The following AP4B1 variants were observed in gnomAD, a reference collection of about 807,000 sequenced individuals.
AP4B1 encodes the protein AP-4 complex subunit beta-1.
In AP4B1, 49 loss-of-function variants were observed where a neutral mutation model predicts 76.5. That is an observed-to-expected ratio of 0.64 (90% CI 0.51 to 0.81). The LOEUF (loss-of-function observed/expected upper bound fraction) is 0.81. Among genes scored for constraint, AP4B1 ranks in the 40% least tolerant of loss-of-function variants. AP4B1 has a pLI of 0.00. For missense variants in AP4B1, 911 were observed against 904.9 expected, an observed-to-expected ratio of 1.01 and a Z score of -0.09; for synonymous variants, 330 against 333.3, an observed-to-expected ratio of 0.99 and a Z score of 0.11.
At chr1:113,904,142 A>G (rs145393470) in intron 1 of AP4B1, among the ~76,000 whole-genome samples, 343 of 152,330 alleles carry the variant, frequency 2.3e-3, no homozygotes, top group Non-Finnish European at 3.7e-3. Flanking sequence ...ACCATCTGAC[A>G]TAAGAAGTGA....
upstream of AP4B1, chr1:113,905,005 G>C (rs775396400): frequency 6.4e-5 from 28 of 440,482 alleles, no homozygotes; most frequent in Non-Finnish European, 1.1e-4. Flanking sequence ...GTCCTCCGCC[G>C]GATTTCCAGC....
rs1571524712 is a variant in AP4B1 at position 113,894,863 on chromosome 1, C to T, written c.*202G>A. On this transcript the variant is annotated 3_prime_UTR_variant, in exon 10 of 10. Coordinates refer to ENST00000369569, the MANE Select transcript of AP4B1 (RefSeq NM_001253852.3). The stretch of plus-strand genomic sequence containing the variant: ...CCAACATTAACCTCTACAACATCAT[C>T]ACTGAAAAATGGGGTCAATTGCCAA... 1.7e-6 allele frequency: 1 copy of T among 579,386 alleles called. No homozygotes were observed. The highest frequency in any genetic ancestry group is 3.1e-5 in the East Asian group (1 of 32,612). The allele number at this position is 579,386 out of a possible 1,614,324, so 35.9% of individuals were successfully genotyped here. A position where few individuals can be genotyped will look rare whatever the true frequency, so the allele number is the denominator to read the frequency against.
At chr1:113,900,771 G>A (rs961700385) in intron 4 of AP4B1, 3 of 283,598 alleles carry the variant, frequency 1.1e-5, no homozygotes, top group African/African-American at 4.4e-5. Flanking sequence ...GGGAAAGTAA[G>A]GCAAATAAAA....
intron 3 of AP4B1, 27 bp downstream of exon 3, chr1:113,901,728 G>T: frequency 1.9e-6 from 3 of 1,613,834 alleles, no homozygotes; most frequent in South Asian, 2.2e-5. Flanking sequence ...GAGGCACATT[G>T]ACCATGATGG....
Position 113,904,664 on chromosome 1 carries a change from G to A in AP4B1, c.54C>T (p.Cys18=). ...GCCTATCAGCTTGAATGTGAGGATT[G>A]CACAGAGCCTTCTTCAGCTCCTTCA... ...DVVKELKKAL[C]NPHIQADRLR... is the part of the protein sequence containing the mutation. The change falls in exon 1 of 10, where the codon TGC becomes TGT. Residue 18 remains cysteine, a synonymous_variant. Transcript: ENST00000369569. 6.2e-7 allele frequency: 1 copy of A among 1,613,288 alleles called. No individual in the cohort carries two copies. The highest frequency in any genetic ancestry group is 1.3e-5 in the African/African-American group (1 of 75,030).
intron 7 of AP4B1, 96 bp from the exon 8 acceptor site, chr1:113,896,561 C>T: frequency 1.7e-6 from 2 of 1,158,586 alleles, no homozygotes; most frequent in Non-Finnish European, 2.6e-6. Context: ...TCGCTTAGTG[C>T]CAGCAGAAAA....
At position 113,900,354 on chromosome 1, in the gene AP4B1, G is replaced by C. The variant is rs1558090245; in HGVS notation, c.664C>G (p.Leu222Val). ...QWGQAEVLNF[L>V]LRYQPRSEEE... is the part of the protein sequence containing the mutation. ...TCACTGCGGGGTTGGTAGCGTAGCA[G>C]AAAGTTCAATACTTCAGCCTGGCCC... is the stretch of plus-strand genomic sequence containing the variant. The change falls in exon 5 of 10, where the codon CTG (leucine) becomes GTG (valine). Residue 222 changes from leucine (L) to valine (V), a missense_variant. Leu to Val is a conservative substitution (Grantham distance 32, BLOSUM62 1). Transcript: ENST00000369569. 4 of 1,611,332 alleles carry C rather than the reference G, an allele frequency of 2.5e-6. No individual in the cohort carries two copies. Among genetic ancestry groups the C allele is most frequent in the East Asian group, 2.2e-5 (1 of 44,864 alleles).
chr1:113,896,440 A>G lies in AP4B1; in HGVS notation c.1328T>C (p.Leu443Pro), dbSNP rs746890435. 2.5e-6 allele frequency: 4 copies of G among 1,614,240 alleles called. No individual in the cohort carries two copies. Among genetic ancestry groups the G allele is most frequent in the Non-Finnish European group, 3.4e-6 (4 of 1,180,042 alleles). Residue 443 changes from leucine to proline, a missense_variant, in exon 8 of 10, where the codon CTT (leucine) becomes CCT (proline). By Grantham distance (98) the Leu-to-Pro change is moderately conservative. Transcript: ENST00000369569. Reference protein sequence around the residue: ...SEGKQALIWLLGVHGERIPNA... With the variant: ...SEGKQALIWLPGVHGERIPNA... The stretch of plus-strand genomic sequence containing the variant: ...AGGAATTCTTTCCCCATGGACACCA[A>G]GTAGCCAAATAAGTGCTTGCTTCCC...
chr1:113,901,827 C>T lies in AP4B1; in HGVS notation c.397G>A (p.Ala133Thr). Residue 133 changes from alanine (A) to threonine (T), a missense_variant, in exon 3 of 10, where the codon GCT (alanine) becomes ACT (threonine). Transcript: ENST00000369569. ...ACTGCCACTCTCCTGACATATGAAGCCTTATCCCGCAGACCATTGAGAATA... is the reference window on the plus strand; with the variant it reads ...ACTGCCACTCTCCTGACATATGAAGTCTTATCCCGCAGACCATTGAGAATA... ...QPILNGLRDK[A>T]SYVRRVAVLG... 6.2e-7 allele frequency: 1 copy of T among 1,614,182 alleles called. No homozygotes were observed. The highest frequency in any genetic ancestry group is 8.5e-7 in the Non-Finnish European group (1 of 1,180,032).
intron 7 of AP4B1, chr1:113,897,472 A>C (rs2101006230): frequency 3.1e-6 from 1 of 325,642 alleles, no homozygotes; most frequent in East Asian, 7.9e-5. Flanking sequence ...ACCTGTAATC[A>C]CAGCTACTCT....
At chr1:113,899,835 G>C in intron 5 of AP4B1, 69 bp downstream of exon 5, 10 of 1,612,576 alleles carry the variant, frequency 6.2e-6, no homozygotes, top group Non-Finnish European at 8.5e-6. Flanking sequence ...GCTCTCTATG[G>C]TTCCTCTAAC....
chr1:113,901,748 A>C lies in AP4B1; in HGVS notation c.469+7T>G, dbSNP rs1416530980. 1.2e-6 allele frequency: 2 copies of C among 1,614,082 alleles called. No individual in the cohort carries two copies. Among genetic ancestry groups the C allele is most frequent in the East Asian group, 4.5e-5 (2 of 44,896 alleles). On this transcript the variant is annotated splice_region_variant and intron_variant, in intron 3 of 9. Coordinates refer to ENST00000369569, the MANE Select transcript of AP4B1 (RefSeq NM_001253852.3). ...ACATTGACCATGATGGATTACACTG[A>C]ACTTACCTACTTCAGAGTCTCCATG...
In AP4B1 at chr1:113,900,147, C is replaced by G; in HGVS notation, c.871G>C (p.Glu291Gln). The G allele has an allele frequency of 6.2e-7, 1 of 1,614,174 alleles. No individual in the cohort carries two copies. Among genetic ancestry groups the G allele is most frequent in the Non-Finnish European group, 8.5e-7 (1 of 1,180,042 alleles). ...TGACAAAGAGCAACAAAACAGAGCTCACGGCTCTCTGAAGAACAGGCAGCT... is the reference window on the plus strand; with the variant it reads ...TGACAAAGAGCAACAAAACAGAGCTGACGGCTCTCTGAAGAACAGGCAGCT... The part of the protein sequence containing the change: ...LLAACSSESR[E>Q]LCFVALCHVR... Residue 291 changes from glutamate (E) to glutamine (Q), a missense_variant, in exon 5 of 10, where the codon GAG becomes CAG. Glu to Gln is a conservative substitution (Grantham distance 29, BLOSUM62 2). Transcript: ENST00000369569.
intron 5 of AP4B1, 90 bp downstream of exon 5, chr1:113,899,814 T>G (rs1667979913): frequency 1.2e-6 from 2 of 1,600,998 alleles, no homozygotes; most frequent in East Asian, 4.5e-5. Flanking sequence ...GAAGCAAGAT[T>G]CATGCCCTTT....
rs201047107 is a variant in AP4B1 at position 113,900,215 on chromosome 1, T to C, written c.803A>G (p.His268Arg). The C allele has an allele frequency of 1.9e-4, 304 of 1,610,578 alleles. 2 individuals are homozygous for C. In the Admixed American group the frequency reaches 4.1e-3, roughly 22 times the overall value. The stretch of plus-strand genomic sequence containing the variant: ...CCGCACAAGGACATCAGTTTGTACG[T>C]GGGGAAACATTTTTGCCAAGATCAG... ...LFLILAKMFP[H>R]VQTDVLVRVK... is the part of the protein sequence containing the mutation. Residue 268 changes from histidine (H) to arginine (R), a missense_variant, in exon 5 of 10, where the codon CAC becomes CGC. Coordinates refer to ENST00000369569, the MANE Select transcript of AP4B1 (RefSeq NM_001253852.3).
Position 113,902,990 on chromosome 1 carries a change from T to C in AP4B1, c.114-128A>G, listed in dbSNP as rs1668485116. On this transcript the variant is annotated intron_variant, in intron 1 of 9. Coordinates refer to ENST00000369569, the MANE Select transcript of AP4B1 (RefSeq NM_001253852.3). The stretch of plus-strand genomic sequence containing the variant: ...TCTCTTAGAGGGTAGCAGCCAGGAT[T>C]ACCTTGTCTATTATATCACACAGTA... 1.0e-5 allele frequency: 8 copies of C among 786,122 alleles called. No individual in the cohort carries two copies. The South Asian group carries it at 1.2e-4, about 11-fold the overall frequency. The allele number at this position is 786,122 out of a possible 1,614,324, so 48.7% of individuals were successfully genotyped here.
intron 2 of AP4B1, 48 bp from the exon 3 acceptor site, chr1:113,901,933 GACATAC>G: frequency 6.2e-7 from 1 of 1,612,994 alleles, no homozygotes; most frequent in Non-Finnish European, 8.5e-7. Context: ...TACTAATTTT[GACATAC>G]CTCAGCCCCT....
At chr1:113,896,621 ACT>A in intron 7 of AP4B1, 156 bp from the exon 8 acceptor site, 1 of 671,690 alleles carries the variant, frequency 1.5e-6, no homozygotes, top group South Asian at 1.8e-5. Context: ...CCCGTACTAT[ACT>A]CTCTACAACA....
At chr1:113,904,268 C>G (rs1378462762) in intron 1 of AP4B1, among the ~76,000 whole-genome samples, 1 of 152,156 alleles carries the variant, frequency 6.6e-6, no homozygotes, top group Non-Finnish European at 1.5e-5. Context: ...CGGGCTATTT[C>G]GGACATACTT....
Sources: allele counts gnomAD v4.1 joint callset (sites outside exome capture counted in the v4.1 genomes callset), GRCh38; gene constraint gnomAD v4.1.1; transcripts MANE v1.5; gene names NCBI Gene and HGNC (gene_info 2026-07-23, HGNC 2026-07-21).